The following VAV1 variants were observed in gnomAD, a reference collection of about 807,000 sequenced individuals.
VAV1 encodes the protein proto-oncogene vav.
In VAV1, 33 loss-of-function variants were observed where a neutral mutation model predicts 128.1. That is an observed-to-expected ratio of 0.26 (90% CI 0.20 to 0.34). The LOEUF (loss-of-function observed/expected upper bound fraction) is 0.34. Ranked by LOEUF, VAV1 falls within the 10% of genes least tolerant of loss-of-function variation. The pLI, the probability that VAV1 is intolerant of heterozygous loss-of-function variation, is 1.00. For synonymous variants in VAV1, 394 were observed against 409.8 expected, an observed-to-expected ratio of 0.96 and a Z score of 0.47; for missense variants, 715 against 1,093.7, an observed-to-expected ratio of 0.65 and a Z score of 4.88.
At chr19:6,814,878 C>T (rs1016522417) in intron 1 of VAV1, among the ~76,000 whole-genome samples, 1 of 151,692 alleles carries the variant, frequency 6.6e-6, no homozygotes, top group Admixed American at 6.6e-5. Flanking sequence ...GTGTTTCGGT[C>T]TAGGTTTTCT....
At chr19:6,838,392 T>TATCC (rs60060059) in intron 21 of VAV1, among the ~76,000 whole-genome samples, 5,010 of 146,192 alleles carry the variant, frequency 0.034, 175 homozygotes, top group African/African-American at 0.081. Flanking sequence ...TCAGTTCTTC[T>TATCC]ATCCATCCAT....
chr19:6,822,380 C>G lies in VAV1; in HGVS notation c.559-39C>G. 6.4e-7 allele frequency: 1 copy of G among 1,552,954 alleles called. No individual in the cohort carries two copies. The highest frequency in any genetic ancestry group is 8.7e-7 in the Non-Finnish European group (1 of 1,149,158). ...GGGGAGGGCGTGGGCGGGGGGCAGC[C>G]CCAGGCCCCCCAACACCGGCCTCTC... On this transcript the variant is annotated intron_variant, in intron 5 of 26. Transcript: ENST00000602142. The surrounding 1 kb of genome is among the most constrained non-coding windows in gnomAD (Gnocchi z 5.9).
At chr19:6,816,527 G>C (rs887542634) in intron 1 of VAV1, 1 of 128,002 alleles carries the variant, frequency 7.8e-6, no homozygotes, top group Non-Finnish European at 1.6e-5. Flanking sequence ...AGACACATAC[G>C]CACACACAGA....
Position 6,850,706 on chromosome 19 carries a change from A to C in VAV1, c.2166A>C (p.Thr722=), listed in dbSNP as rs1972651051. ...NVEVKHIKIM[T]AEGLYRITEK... The stretch of plus-strand genomic sequence containing the variant: ...AGGTCAAGCACATTAAAATCATGAC[A>C]GCAGAAGGACTGTACCGGATCACAG... Residue 722 remains threonine (T), a synonymous_variant, in exon 24 of 27, where the codon ACA becomes ACC. Coordinates refer to ENST00000602142, the MANE Select transcript of VAV1 (RefSeq NM_005428.4). The C allele has an allele frequency of 6.2e-7, 1 of 1,613,930 alleles. No individual in the cohort carries two copies. The highest frequency in any genetic ancestry group is 8.5e-7 in the Non-Finnish European group (1 of 1,180,010).
Position 6,828,792 on chromosome 19 carries a change from T to C in VAV1, c.1180-23T>C, listed in dbSNP as rs1268270183. ...GGCTCCTTTCTTGGGAGACCCTTGC[T>C]AGACCCCCTGCCTACTGCATAGGAC... On this transcript the variant is annotated intron_variant, in intron 12 of 26. Coordinates refer to ENST00000602142, the MANE Select transcript of VAV1 (RefSeq NM_005428.4). The surrounding 1 kb of genome is among the most constrained non-coding windows in gnomAD (Gnocchi z 4.5). 1 of 1,614,086 alleles carries C rather than the reference T, an allele frequency of 6.2e-7. No homozygotes were observed. Among genetic ancestry groups the C allele is most frequent in the African/African-American group, 1.3e-5 (1 of 75,014 alleles).
chr19:6,841,289 G>A (rs1972371414), intron 21 of VAV1, among the ~76,000 whole-genome samples: 1 of 152,048 alleles, frequency 6.6e-6, no homozygotes, highest in Non-Finnish European at 1.5e-5. Flanking sequence ...TCCTGTCAAT[G>A]AACAATTGGT....
intron 1 of VAV1, among the ~76,000 whole-genome samples, chr19:6,815,671 A>G (rs1343188986): frequency 4.6e-5 from 7 of 152,222 alleles, no homozygotes; most frequent in Non-Finnish European, 5.9e-5. Flanking sequence ...CATAATGGTT[A>G]CGCACAGGCT....
intron 23 of VAV1, among the ~76,000 whole-genome samples, chr19:6,849,520 C>T (rs1461663974): frequency 1.3e-5 from 2 of 151,038 alleles, no homozygotes; most frequent in Non-Finnish European, 3.0e-5. Context: ...ACCATGTTGG[C>T]CAGGCTGGTC....
chr19:6,796,498 G>A (rs926061224), intron 1 of VAV1, among the ~76,000 whole-genome samples: 2 of 152,054 alleles, frequency 1.3e-5, no homozygotes, highest in African/African-American at 2.4e-5. Flanking sequence ...ACATGCCAGG[G>A]CCTCAGGGCC....
At chr19:6,843,300 C>G in intron 22 of VAV1, 134 bp downstream of exon 22, 15 of 1,042,368 alleles carry the variant, frequency 1.4e-5, no homozygotes, top group Non-Finnish European at 2.0e-5. Flanking sequence ...GAATCTAGCT[C>G]TGGGCTGGGG....
rs55886724 is a variant in VAV1 at position 6,857,198 on chromosome 19, C to A, written c.*91C>A. ...AGCCAGGGGCTGTGACAGCTCCCGG[C>A]GGGTGGAGACTTTGGGATGGACTGG... On this transcript the variant is annotated 3_prime_UTR_variant, in exon 27 of 27. Coordinates refer to ENST00000602142, the MANE Select transcript of VAV1 (RefSeq NM_005428.4). The A allele has an allele frequency of 1.3e-6, 2 of 1,564,540 alleles. No homozygotes were observed. The highest frequency in any genetic ancestry group is 8.7e-7 in the Non-Finnish European group (1 of 1,150,670).
At position 6,832,621 on chromosome 19, in the gene VAV1, T is replaced by TCTTCTTCCTCCTCCTCCCTTTCCTCCC. The variant is rs1447220581; in HGVS notation, c.1508+439_1508+465dup. 2.1e-3 allele frequency among the ~76,000 whole-genome samples: 213 copies of TCTTCTTCCTCCTCCTCCCTTTCCTCCC among 101,218 alleles called. 1 individual carries two copies. The highest frequency in any genetic ancestry group is 2.8e-3 in the Non-Finnish European group (130 of 47,240). 66.4% of individuals were successfully genotyped at this position (101,218 alleles called of 152,430 possible). The stretch of plus-strand genomic sequence containing the variant: ...CTCTTCCTCCTATTCCTCCTCCACC[T>TCTTCTTCCTCCTCCTCCCTTTCCTCCC]CTTCTTCCTCCTCCTCCCTTTCCTC... On this transcript the variant is annotated intron_variant, in intron 15 of 26. Coordinates refer to ENST00000602142, the MANE Select transcript of VAV1 (RefSeq NM_005428.4).
chr19:6,800,768 C>T (rs2436515), intron 1 of VAV1, among the ~76,000 whole-genome samples: 1 of 150,704 alleles, frequency 6.6e-6, no homozygotes, highest in African/African-American at 2.4e-5. Context: ...ATTACAGGCG[C>T]CTGTCACCAC....
At chr19:6,797,412 G>C (rs1391229265) in intron 1 of VAV1, among the ~76,000 whole-genome samples, 1 of 151,744 alleles carries the variant, frequency 6.6e-6, no homozygotes, top group African/African-American at 2.4e-5. Context: ...TCAAGAGTAG[G>C]AGCAAAATGG....
intron 1 of VAV1, among the ~76,000 whole-genome samples, chr19:6,778,029 C>T (rs990665734): frequency 9.2e-5 from 14 of 152,236 alleles, no homozygotes; most frequent in Middle Eastern, 3.4e-3. Flanking sequence ...CTCCTCCTCC[C>T]GGGTTCAAGC....
Position 6,847,120 on chromosome 19 carries a change from C to T in VAV1, c.2013-878C>T, listed in dbSNP as rs373404205. Among the ~76,000 whole-genome samples, 5 of 152,032 alleles carry T rather than the reference C, an allele frequency of 3.3e-5. No individual in the cohort carries two copies. In the East Asian group the frequency reaches 5.8e-4, roughly 18 times the overall value. On this transcript the variant is annotated intron_variant, in intron 22 of 26. Transcript: ENST00000602142. The stretch of plus-strand genomic sequence containing the variant: ...GTAGAGACGAGGTTTCACCATGTTG[C>T]CCAGGCTGGTCTCGAACTCCTGACC...
intron 14 of VAV1, among the ~76,000 whole-genome samples, chr19:6,831,467 A>G (rs1476953541): frequency 6.6e-6 from 1 of 152,014 alleles, no homozygotes. Flanking sequence ...GCCCGCCACC[A>G]CGCCCAGCTA....
chr19:6,789,574 T>G (rs1970972298), intron 1 of VAV1, among the ~76,000 whole-genome samples: 1 of 151,014 alleles, frequency 6.6e-6, no homozygotes. Context: ...TCTGTTCTGC[T>G]TTCTTTTCTT....
intron 6 of VAV1, among the ~76,000 whole-genome samples, chr19:6,823,170 G>T (rs1475795916): frequency 6.8e-6 from 1 of 147,902 alleles, no homozygotes; most frequent in Non-Finnish European, 1.5e-5. Flanking sequence ...TCATTGCCCA[G>T]GCTAGAGGGC....
Sources: allele counts gnomAD v4.1 joint callset (sites outside exome capture counted in the v4.1 genomes callset), GRCh38; gene constraint gnomAD v4.1.1; non-coding constraint Gnocchi (gnomAD v3.1); transcripts MANE v1.5; gene names NCBI Gene and HGNC (gene_info 2026-07-23, HGNC 2026-07-21).